The following PANX1 variants were observed in gnomAD, a reference collection of about 807,000 sequenced individuals.
The protein encoded by PANX1 is pannexin-1.
A neutral mutation model predicts 38.7 loss-of-function variants in PANX1; 30 were observed. That is an observed-to-expected ratio of 0.78 (90% CI 0.58 to 1.05). The LOEUF (loss-of-function observed/expected upper bound fraction) is 1.05, where lower values mean the gene tolerates loss of function less well. Ranked by LOEUF, PANX1 falls within the 50% of genes least tolerant of loss-of-function variation. The pLI is 0.00. For synonymous variants in PANX1, 230 were observed against 212.2 expected, an observed-to-expected ratio of 1.08 and a Z score of -0.73; for missense variants, 551 against 517.2, an observed-to-expected ratio of 1.07 and a Z score of -0.63.
chr11:94,137,072 A>T (rs1946702109), intron 1 of PANX1, among the ~76,000 whole-genome samples: 1 of 152,042 alleles, frequency 6.6e-6, no homozygotes, highest in East Asian at 1.9e-4. Context: ...TTGGGAGGCC[A>T]AGGCGAGCGG....
chr11:94,137,596 G>A (rs1326463377), intron 1 of PANX1, among the ~76,000 whole-genome samples: 2 of 149,852 alleles, frequency 1.3e-5, no homozygotes, highest in African/African-American at 2.5e-5. Context: ...GGAGACATTA[G>A]TTACTTGGGG....
intron 1 of PANX1, among the ~76,000 whole-genome samples, chr11:94,139,387 G>A (rs1413859054): frequency 6.6e-6 from 1 of 152,200 alleles, no homozygotes; most frequent in Admixed American, 6.5e-5. Flanking sequence ...TATAGGAAGA[G>A]CATCATTATC....
rs1946597516 is a variant in PANX1, at chr11:94,129,348, C to G, written c.36C>G (p.Phe12Leu). The change falls in exon 1 of 5, where the codon TTC becomes TTG. Residue 12 changes from phenylalanine (F) to leucine (L), a missense_variant. Physicochemically the swap from Phe to Leu is conservative, Grantham distance 22. Coordinates refer to ENST00000227638, the MANE Select transcript of PANX1 (RefSeq NM_015368.4). ...CTCAACTGGCCACGGAGTACGTGTT[C>G]TCGGATTTCTTGCTGAAGGAGCCCA... is the stretch of plus-strand genomic sequence containing the variant. ...AIAQLATEYV[F>L]SDFLLKEPTE... 1 of 1,613,796 alleles carries G rather than the reference C, an allele frequency of 6.2e-7. No homozygotes were observed. Among genetic ancestry groups the G allele is most frequent in the Non-Finnish European group, 8.5e-7 (1 of 1,179,786 alleles).
intron 1 of PANX1, among the ~76,000 whole-genome samples, chr11:94,138,482 CTGTT>C (rs1283787173): frequency 2.6e-5 from 4 of 151,918 alleles, no homozygotes; most frequent in Non-Finnish European, 4.4e-5. Flanking sequence ...CCTTTGAATT[CTGTT>C]TATGTTAAGC....
chr11:94,136,394 A>G (rs1274336645), intron 1 of PANX1, among the ~76,000 whole-genome samples: 1 of 152,208 alleles, frequency 6.6e-6, no homozygotes, highest in Non-Finnish European at 1.5e-5. Flanking sequence ...CCTTCCTAAC[A>G]TTTACCATAA....
intron 2 of PANX1, among the ~76,000 whole-genome samples, chr11:94,164,981 C>T (rs1211799656): frequency 6.6e-6 from 1 of 152,104 alleles, no homozygotes; most frequent in Non-Finnish European, 1.5e-5. Flanking sequence ...TTATCTGATA[C>T]ATGTATAGCT....
chr11:94,169,259 A>G (rs181976529), intron 2 of PANX1, among the ~76,000 whole-genome samples: 52 of 151,724 alleles, frequency 3.4e-4, no homozygotes, highest in Middle Eastern at 3.4e-3. Flanking sequence ...GGACCAGTCA[A>G]CAGAGGAGAC....
chr11:94,168,047 G>A (rs909311478), intron 2 of PANX1, among the ~76,000 whole-genome samples: 1 of 152,214 alleles, frequency 6.6e-6, no homozygotes, highest in East Asian at 1.9e-4. Flanking sequence ...GCAGATGGCT[G>A]TGGTGAAGAG....
At chr11:94,144,728 C>T (rs1946807650) in intron 1 of PANX1, among the ~76,000 whole-genome samples, 1 of 152,156 alleles carries the variant, frequency 6.6e-6, no homozygotes, top group Admixed American at 6.5e-5. Flanking sequence ...CCTGTCTGCA[C>T]CTTCTCTCCT....
chr11:94,148,069 AAG>A (rs1274711362), intron 1 of PANX1, among the ~76,000 whole-genome samples: 6 of 152,192 alleles, frequency 3.9e-5, no homozygotes, highest in African/African-American at 9.7e-5. Flanking sequence ...GGAAAAAAAA[AAG>A]AAGTATTTCA....
intron 2 of PANX1, chr11:94,175,989 C>A: frequency 1.6e-6 from 1 of 634,278 alleles, no homozygotes. Flanking sequence ...GACAGGAGGC[C>A]TGCAAACTAG....
chr11:94,171,104 G>T (rs904202975), intron 2 of PANX1, among the ~76,000 whole-genome samples: 1 of 151,532 alleles, frequency 6.6e-6, no homozygotes, highest in African/African-American at 2.4e-5. Context: ...ACTCAGTCAT[G>T]CTCATCCTCC....
rs556764730 is a variant in PANX1, at chr11:94,135,120, G to T, written c.181+5627G>T. 2.6e-5 allele frequency among the ~76,000 whole-genome samples: 4 copies of T among 152,326 alleles called. No homozygotes were observed. The East Asian group carries it at 7.7e-4, about 29-fold the overall frequency. On this transcript the variant is annotated intron_variant, in intron 1 of 4. Coordinates refer to ENST00000227638, the MANE Select transcript of PANX1 (RefSeq NM_015368.4). ...CGTGTCTCCTGCCAGGATGTTTCTG[G>T]CTGGCTGGACCAGGTGGGGAGCTGG... is the stretch of plus-strand genomic sequence containing the variant.
intron 1 of PANX1, among the ~76,000 whole-genome samples, chr11:94,140,430 T>C (rs909824245): frequency 1.3e-5 from 2 of 152,272 alleles, no homozygotes; most frequent in African/African-American, 2.4e-5. Context: ...GCATATTCTT[T>C]TACAGTGCTC....
At chr11:94,156,687 A>C (rs1038652634) in intron 2 of PANX1, among the ~76,000 whole-genome samples, 2 of 151,448 alleles carry the variant, frequency 1.3e-5, no homozygotes, top group African/African-American at 4.9e-5. Context: ...ATTATCATTC[A>C]TCTTTTTTTA....
At chr11:94,139,488 A>G (rs1174092191) in intron 1 of PANX1, among the ~76,000 whole-genome samples, 1 of 152,206 alleles carries the variant, frequency 6.6e-6, no homozygotes, top group Admixed American at 6.5e-5. Flanking sequence ...TTGATATATA[A>G]TAAATATTTA....
intron 2 of PANX1, among the ~76,000 whole-genome samples, chr11:94,162,218 C>A (rs1591519241): frequency 6.6e-6 from 1 of 152,224 alleles, no homozygotes; most frequent in Non-Finnish European, 1.5e-5. Context: ...CAGCTGCGTA[C>A]TGGGAGAACC....
At chr11:94,134,588 C>T (rs560989957) in intron 1 of PANX1, among the ~76,000 whole-genome samples, 1 of 151,960 alleles carries the variant, frequency 6.6e-6, no homozygotes, top group East Asian at 1.9e-4. Context: ...GAGAGTGGGA[C>T]CTTCATGATG....
At chr11:94,137,260 T>C (rs1946705895) in intron 1 of PANX1, among the ~76,000 whole-genome samples, 2 of 152,076 alleles carry the variant, frequency 1.3e-5, no homozygotes, top group Admixed American at 1.3e-4. Flanking sequence ...GCTGAGATCA[T>C]GCCACTGTAC....
Sources: gnomAD v4.1 joint callset for allele counts (sites outside exome capture counted in the v4.1 genomes callset) on GRCh38, gnomAD v4.1.1 for gene constraint, MANE v1.5 for transcripts, NCBI Gene and HGNC (gene_info 2026-07-23, HGNC 2026-07-21) for gene names.